Variants in DRAM1 observed in about 807,000 individuals in gnomAD.
The protein encoded by DRAM1 is DNA damage-regulated autophagy modulator protein 1.
A neutral mutation model predicts 28.5 loss-of-function variants in DRAM1; 25 were observed. The ratio of observed to expected loss-of-function variants is 0.88; its 90% CI spans 0.64 to 1.23. The LOEUF is 1.23. DRAM1 is among the 50% of genes most tolerant of loss of function. The pLI, the probability that DRAM1 is intolerant of heterozygous loss-of-function variation, is 0.00. For synonymous variants in DRAM1, 113 were observed against 114.2 expected (o/e 0.99, Z 0.07); for missense variants, 249 against 299.2 (o/e 0.83, Z 1.24).
At chr12:101,900,105 G>A (rs1873538930) in intron 2 of DRAM1, among the ~76,000 whole-genome samples, 1 of 152,180 alleles carries the variant, frequency 6.6e-6, no homozygotes, top group African/African-American at 2.4e-5. Flanking sequence ...CAACAAAACA[G>A]ACAAGAGCCC....
intron 1 of DRAM1, among the ~76,000 whole-genome samples, chr12:101,891,841 G>A (rs1243422498): frequency 1.3e-5 from 2 of 152,184 alleles, no homozygotes; most frequent in South Asian, 4.1e-4. Flanking sequence ...GTAGGAGCTG[G>A]GTAGAGAGAC....
At chr12:101,879,977 G>T (rs1312599811) in intron 1 of DRAM1, among the ~76,000 whole-genome samples, 2 of 150,364 alleles carry the variant, frequency 1.3e-5, no homozygotes, top group East Asian at 2.0e-4. Flanking sequence ...GTGACAGAGC[G>T]AGACTCCATC....
At chr12:101,904,958 A>G (rs1873749019) in intron 3 of DRAM1, among the ~76,000 whole-genome samples, 1 of 152,188 alleles carries the variant, frequency 6.6e-6, no homozygotes, top group African/African-American at 2.4e-5. Context: ...GCAATAGCAC[A>G]ATCATAGCTC....
At chr12:101,892,402 A>AT (rs748326902) in intron 1 of DRAM1, among the ~76,000 whole-genome samples, 1,785 of 82,432 alleles carry the variant, frequency 0.022, 8 homozygotes, top group African/African-American at 0.058. Flanking sequence ...TGCCAGGCTA[A>AT]TTTTTTTTTT....
At chr12:101,884,614 C>T (rs992157860) in intron 1 of DRAM1, among the ~76,000 whole-genome samples, 1 of 152,180 alleles carries the variant, frequency 6.6e-6, no homozygotes, top group African/African-American at 2.4e-5. Context: ...TAGCACGTCT[C>T]ACTTTCCATG....
chr12:101,884,909 G>C (rs1181391377), intron 1 of DRAM1, among the ~76,000 whole-genome samples: 1 of 151,782 alleles, frequency 6.6e-6, no homozygotes, highest in Non-Finnish European at 1.5e-5. Flanking sequence ...TAAATCTTCA[G>C]ATGCTGATCT....
chr12:101,906,939 C>G (rs996235743), intron 3 of DRAM1, among the ~76,000 whole-genome samples: 1 of 150,964 alleles, frequency 6.6e-6, no homozygotes, highest in Non-Finnish European at 1.5e-5. Context: ...TGTACAGGGT[C>G]TGCACCAACT....
intron 4 of DRAM1, among the ~76,000 whole-genome samples, chr12:101,913,048 A>G (rs1439195883): frequency 1.3e-5 from 2 of 152,006 alleles, no homozygotes; most frequent in African/African-American, 4.8e-5. Flanking sequence ...AATTTCTAAT[A>G]TTTTGCAGAC....
Position 101,907,929 on chromosome 12 carries a change from A to G in DRAM1, c.343-257A>G, listed in dbSNP as rs549421625. ...GGTGTACCAGACTCTGAAGCCCACC[A>G]TACTCAACCCTCCCACCTGTAAGGC... On this transcript the variant is annotated intron_variant, in intron 3 of 6. Coordinates refer to ENST00000258534, the MANE Select transcript of DRAM1 (RefSeq NM_018370.3). Among the ~76,000 whole-genome samples, 50 of 152,184 alleles carry G rather than the reference A, an allele frequency of 3.3e-4. 1 individual carries two copies. The highest frequency in any genetic ancestry group is 3.4e-3 in the Middle Eastern group (1 of 294).
chr12:101,907,199 C>CAAAAAAAAAA (rs397965756), intron 3 of DRAM1, among the ~76,000 whole-genome samples: 3 of 85,144 alleles, frequency 3.5e-5, no homozygotes, highest in Non-Finnish European at 6.8e-5. Context: ...GACCCTGTCT[C>CAAAAAAAAAA]AAAAAAAAAA....
At chr12:101,901,238 C>A in intron 2 of DRAM1, 53 bp from the exon 3 acceptor site, 1 of 1,564,308 alleles carries the variant, frequency 6.4e-7, no homozygotes, top group Non-Finnish European at 8.6e-7. Flanking sequence ...TCCTGTTTTT[C>A]ATCCTAAAGA....
chr12:101,899,802 T>A (rs1873529400), intron 2 of DRAM1, among the ~76,000 whole-genome samples: 1 of 152,230 alleles, frequency 6.6e-6, no homozygotes. Context: ...CTTTATCCTT[T>A]CCACACATGC....
At chr12:101,906,177 A>C (rs932471636) in intron 3 of DRAM1, among the ~76,000 whole-genome samples, 9 of 152,328 alleles carry the variant, frequency 5.9e-5, no homozygotes, top group Middle Eastern at 3.4e-3. Context: ...TCATGTAATC[A>C]ATTTCTCCCC....
chr12:101,886,170 TG>T (rs1261151909), intron 1 of DRAM1, among the ~76,000 whole-genome samples: 3 of 152,214 alleles, frequency 2.0e-5, no homozygotes, highest in Admixed American at 1.3e-4. Flanking sequence ...TCCCAGTTTG[TG>T]GTCGATTTGA....
intron 1 of DRAM1, among the ~76,000 whole-genome samples, chr12:101,890,749 ATTTT>A (rs10616632): frequency 0.32 from 43,494 of 135,394 alleles, 6,622 homozygotes; most frequent in East Asian, 0.38. Flanking sequence ...CCGCCATTCT[ATTTT>A]TTTTTTTTTT....
At chr12:101,890,031 C>T in intron 1 of DRAM1, 1 of 452,236 alleles carries the variant, frequency 2.2e-6, no homozygotes, top group South Asian at 1.6e-5. Context: ...AATGTAGTTG[C>T]CAAGGAAGTG....
chr12:101,890,424 G>T (rs569425688), intron 1 of DRAM1, among the ~76,000 whole-genome samples: 3 of 25,288 alleles, frequency 1.2e-4, no homozygotes, highest in African/African-American at 1.4e-3. Flanking sequence ...ATGTGGGGAT[G>T]GTTTCTAGAG....
chr12:101,882,337 C>A (rs908842977), intron 1 of DRAM1, among the ~76,000 whole-genome samples: 1 of 150,796 alleles, frequency 6.6e-6, no homozygotes, highest in Non-Finnish European at 1.5e-5. Context: ...GTCTCGATCT[C>A]CTGACCTTGT....
chr12:101,902,654 GA>G (rs1195832887), intron 3 of DRAM1, among the ~76,000 whole-genome samples: 1 of 152,176 alleles, frequency 6.6e-6, no homozygotes. Flanking sequence ...ACTTTAAGAA[GA>G]AAACTTAGAT....
Sources: gnomAD v4.1 joint callset for allele counts (sites outside exome capture counted in the v4.1 genomes callset) on GRCh38, gnomAD v4.1.1 for gene constraint, MANE v1.5 for transcripts, NCBI Gene and HGNC (gene_info 2026-07-23, HGNC 2026-07-21) for gene names.